ASH1L: variants seen among roughly 807,000 people sequenced by gnomAD.
ASH1L encodes the protein ASH1 like histone lysine methyltransferase.
A neutral mutation model predicts 269.0 loss-of-function variants in ASH1L; 23 were observed. The observed-to-expected ratio is 0.09, with a 90% CI of 0.06 to 0.12. The LOEUF (loss-of-function observed/expected upper bound fraction) is 0.12. Ranked by LOEUF, ASH1L falls within the 10% of genes least tolerant of loss-of-function variation. ASH1L has a pLI of 1.00. For synonymous variants in ASH1L, 1,187 were observed against 1,253.5 expected (o/e 0.95, Z 1.12); for missense variants, 2,912 against 3,567.8 (o/e 0.82, Z 4.68).
intron 3 of ASH1L, among the ~76,000 whole-genome samples, chr1:155,470,844 T>G (rs543022531): frequency 6.6e-6 from 1 of 152,150 alleles, no homozygotes; most frequent in East Asian, 1.9e-4. Context: ...TTCCTTCTCC[T>G]GGCACACAAT....
At chr1:155,339,858 CAT>C (rs1652622508) in intron 25 of ASH1L, among the ~76,000 whole-genome samples, 1 of 152,124 alleles carries the variant, frequency 6.6e-6, no homozygotes, top group East Asian at 1.9e-4. Flanking sequence ...TGTATCTAAA[CAT>C]AGAAAAGGTA....
At chr1:155,349,707 G>GTT in intron 17 of ASH1L, 111 bp from the exon 18 acceptor site, 8 of 422,588 alleles carry the variant, frequency 1.9e-5, no homozygotes, top group South Asian at 1.1e-4. Context: ...AAAAATCCAA[G>GTT]TCTTTTTTTT....
chr1:155,502,855 G>A (rs1204515237), intron 2 of ASH1L, among the ~76,000 whole-genome samples: 1 of 151,982 alleles, frequency 6.6e-6, no homozygotes, highest in Admixed American at 6.6e-5. Context: ...TTTATCTTAG[G>A]TAATTTTAGT....
chr1:155,538,472 CT>C (rs1465207049), intron 1 of ASH1L, among the ~76,000 whole-genome samples: 1 of 151,978 alleles, frequency 6.6e-6, no homozygotes, highest in Non-Finnish European at 1.5e-5. Context: ...AGTCTCCTGC[CT>C]CAGCCTCCCG....
intron 9 of ASH1L, 37 bp from the exon 10 acceptor site, chr1:155,378,426 A>C: frequency 6.2e-7 from 1 of 1,609,748 alleles, no homozygotes; most frequent in Non-Finnish European, 8.5e-7. Flanking sequence ...GTGAACATAC[A>C]GGATAATTTT....
At chr1:155,464,530 T>G (rs1018359948) in intron 3 of ASH1L, among the ~76,000 whole-genome samples, 2 of 149,914 alleles carry the variant, frequency 1.3e-5, no homozygotes, top group Non-Finnish European at 3.0e-5. Context: ...AAAAAAAAAG[T>G]ACCTAAATAA....
intron 5 of ASH1L, among the ~76,000 whole-genome samples, chr1:155,424,098 T>G (rs1660941700): frequency 1.3e-5 from 2 of 152,172 alleles, no homozygotes; most frequent in Non-Finnish European, 2.9e-5. Context: ...GTTCAACTTT[T>G]TGTTTTCTTG....
chr1:155,476,696 C>T (rs765126293), intron 3 of ASH1L, among the ~76,000 whole-genome samples: 6 of 151,506 alleles, frequency 4.0e-5, no homozygotes, highest in East Asian at 2.0e-4. Context: ...GGACTATAAG[C>T]GCCTGCCACC....
At chr1:155,444,224 C>T (rs1318844723) in intron 4 of ASH1L, among the ~76,000 whole-genome samples, 2 of 152,086 alleles carry the variant, frequency 1.3e-5, no homozygotes, top group Non-Finnish European at 2.9e-5. Context: ...TCAAATGATC[C>T]ACCTGCCTTG....
In ASH1L at chr1:155,478,244, A is replaced by C. The variant is rs1223315878; in HGVS notation, c.4626T>G (p.His1542Gln). 6.2e-7 allele frequency: 1 copy of C among 1,614,102 alleles called. No individual in the cohort carries two copies. The highest frequency in any genetic ancestry group is 8.5e-7 in the Non-Finnish European group (1 of 1,180,020). ...EKHRCHMSCP[H>Q]LSPSKSLINR... ...TTATTAAGCTTTTTGAAGGAGAGAGATGAGGGCAGGACATGTGACAACGGT... is the reference window on the plus strand; with the variant it reads ...TTATTAAGCTTTTTGAAGGAGAGAGCTGAGGGCAGGACATGTGACAACGGT... The change falls in exon 3 of 28, where the codon CAT becomes CAG. Residue 1542 changes from histidine to glutamine, a missense_variant. By Grantham distance (24) the His-to-Gln change is conservative (BLOSUM62 0). Around this residue, in one of 13 missense-constraint regions of ASH1L, gnomAD observed 789 missense variants for 897.6 expected, o/e 0.88. Coordinates refer to ENST00000392403, the MANE Select transcript of ASH1L (RefSeq NM_018489.3). The surrounding 1 kb of genome is among the most constrained non-coding windows in gnomAD (Gnocchi z 4.6).
At chr1:155,400,635 A>G (rs899944233) in intron 6 of ASH1L, among the ~76,000 whole-genome samples, 1 of 152,088 alleles carries the variant, frequency 6.6e-6, no homozygotes, top group Non-Finnish European at 1.5e-5. Flanking sequence ...TGACAATTCT[A>G]TTCTATATTC....
At chr1:155,351,940 G>A (rs949474617) in intron 17 of ASH1L, among the ~76,000 whole-genome samples, 1 of 151,694 alleles carries the variant, frequency 6.6e-6, no homozygotes, top group Non-Finnish European at 1.5e-5. Context: ...TCCAGATATT[G>A]AATAATTTAG....
At chr1:155,439,638 T>G (rs1341173474) in intron 4 of ASH1L, among the ~76,000 whole-genome samples, 6 of 152,112 alleles carry the variant, frequency 3.9e-5, no homozygotes, top group African/African-American at 1.4e-4. Context: ...AGGTCGAGGC[T>G]GCAGTGAGTC....
intron 2 of ASH1L, among the ~76,000 whole-genome samples, chr1:155,505,719 C>A (rs980407884): frequency 6.6e-6 from 1 of 152,054 alleles, no homozygotes; most frequent in Non-Finnish European, 1.5e-5. Flanking sequence ...ATAAATTTTA[C>A]AGTATTTGAA....
At chr1:155,462,043 G>A (rs1204744198) in intron 3 of ASH1L, among the ~76,000 whole-genome samples, 3 of 151,912 alleles carry the variant, frequency 2.0e-5, no homozygotes, top group African/African-American at 2.4e-5. Flanking sequence ...CAAGTGATCC[G>A]CCCGCCTCAG....
At chr1:155,477,774 T>G in intron 3 of ASH1L, 112 bp downstream of exon 3, 2 of 1,040,876 alleles carry the variant, frequency 1.9e-6, no homozygotes, top group Non-Finnish European at 2.6e-6. Flanking sequence ...AATACACTTA[T>G]TAAAAAACAA....
At chr1:155,528,077 A>G (rs2148860422) in intron 1 of ASH1L, among the ~76,000 whole-genome samples, 1 of 152,304 alleles carries the variant, frequency 6.6e-6, no homozygotes, top group East Asian at 1.9e-4. Flanking sequence ...AGACTAGCTG[A>G]GACCTCTTTC....
chr1:155,471,454 C>T (rs1469749620), intron 3 of ASH1L, among the ~76,000 whole-genome samples: 1 of 152,170 alleles, frequency 6.6e-6, no homozygotes, highest in Non-Finnish European at 1.5e-5. Context: ...AAAAACATGG[C>T]CAATGATCTA....
intron 2 of ASH1L, among the ~76,000 whole-genome samples, chr1:155,488,352 T>G (rs1666469475): frequency 6.6e-6 from 1 of 151,566 alleles, no homozygotes; most frequent in South Asian, 2.1e-4. Flanking sequence ...ATAAAATAAA[T>G]GAATGAGACA....
Sources: allele counts gnomAD v4.1 joint callset (sites outside exome capture counted in the v4.1 genomes callset), GRCh38; gene constraint gnomAD v4.1.1; regional missense constraint gnomAD v4.1.1; non-coding constraint Gnocchi (gnomAD v3.1); transcripts MANE v1.5; gene names NCBI Gene and HGNC (gene_info 2026-07-23, HGNC 2026-07-21).